The following ADAMTS5 variants were observed in gnomAD, a reference collection of about 807,000 sequenced individuals.
The protein encoded by ADAMTS5 is ADAM metallopeptidase with thrombospondin type 1 motif 5, also known as A disintegrin and metalloproteinase with thrombospondin motifs 5.
ADAMTS5 carries 54 observed loss-of-function variants against 81.4 expected under a neutral mutation model. That is an observed-to-expected ratio of 0.66 (90% CI 0.53 to 0.83). The LOEUF (loss-of-function observed/expected upper bound fraction) is 0.83. Among genes scored for constraint, ADAMTS5 ranks in the 40% least tolerant of loss-of-function variants. The pLI is 0.00. For synonymous variants in ADAMTS5, 532 were observed against 508.8 expected (o/e 1.05, Z -0.61); for missense variants, 1,194 against 1,229.9 (o/e 0.97, Z 0.44).
At chr21:26,952,990 T>C (rs980455348) in intron 2 of ADAMTS5, among the ~76,000 whole-genome samples, 6 of 152,246 alleles carry the variant, frequency 3.9e-5, no homozygotes, top group African/African-American at 1.4e-4. Flanking sequence ...CATACATAGA[T>C]ACGTAATAAA....
chr21:26,950,285 A>G (rs922678666), intron 2 of ADAMTS5, among the ~76,000 whole-genome samples: 18 of 152,250 alleles, frequency 1.2e-4, no homozygotes, highest in Admixed American at 5.2e-4. Flanking sequence ...CATCAATAAA[A>G]TTATTGTTTT....
intron 2 of ADAMTS5, among the ~76,000 whole-genome samples, chr21:26,945,886 G>C (rs1342206309): frequency 2.0e-5 from 3 of 152,164 alleles, no homozygotes; most frequent in Non-Finnish European, 2.9e-5. Flanking sequence ...CTCAGCAAGG[G>C]GATGTGACTT....
Position 26,918,489 on chromosome 21 carries a change from C to T in ADAMTS5, c.*5564G>A, listed in dbSNP as rs966382073. On this transcript the variant is annotated 3_prime_UTR_variant, in exon 8 of 8. Transcript: ENST00000284987. ...TTTAGTTATCTGCAAAGTCTATTTA[C>T]AAAGCATATGTATGATTTCCTCTGA... 1.1e-4 allele frequency: 16 copies of T among 152,012 alleles called. No homozygotes were observed. The highest frequency in any genetic ancestry group is 3.9e-4 in the African/African-American group (16 of 41,426). 9.4% of individuals were successfully genotyped at this position (152,012 alleles called of 1,614,324 possible). A position where few individuals can be genotyped will look rare whatever the true frequency, so the allele number is the denominator to read the frequency against.
chr21:26,923,993 C>G lies in ADAMTS5; in HGVS notation c.*60G>C. The G allele has an allele frequency of 6.7e-7, 1 of 1,502,202 alleles. No individual in the cohort carries two copies. The highest frequency in any genetic ancestry group is 8.9e-7 in the Non-Finnish European group (1 of 1,118,226). 93.1% of individuals were successfully genotyped at this position (1,502,202 alleles called of 1,614,324 possible). Reference sequence around the variant, plus strand: ...TGCGTTAGGTAGACCTCCTGTTCACCACGACTGCATCAGTGCTGAATCCTC... The same window carrying G: ...TGCGTTAGGTAGACCTCCTGTTCACGACGACTGCATCAGTGCTGAATCCTC... On this transcript the variant is annotated 3_prime_UTR_variant, in exon 8 of 8. Transcript: ENST00000284987.
At position 26,923,250 on chromosome 21, in the gene ADAMTS5, TCACA is replaced by T. The variant is rs377472990; in HGVS notation, c.*799_*802del. 3 of 151,844 alleles carry T rather than the reference TCACA, an allele frequency of 2.0e-5. No homozygotes were observed. Among genetic ancestry groups the T allele is most frequent in the Non-Finnish European group, 2.9e-5 (2 of 67,918 alleles). 9.4% of individuals were successfully genotyped at this position (151,844 alleles called of 1,614,324 possible). ...CTAGTTTTTAGACTCTTGAGTATGA[TCACA>T]CACACACACGCAAACCCTACTTCTA... is the stretch of plus-strand genomic sequence containing the variant. On this transcript the variant is annotated 3_prime_UTR_variant, in exon 8 of 8. Coordinates refer to ENST00000284987, the MANE Select transcript of ADAMTS5 (RefSeq NM_007038.5).
intron 1 of ADAMTS5, 58 bp downstream of exon 1, chr21:26,965,230 C>G (rs919944110): frequency 1.3e-4 from 199 of 1,547,618 alleles, no homozygotes; most frequent in Non-Finnish European, 1.7e-4. Flanking sequence ...CAGCAAGATT[C>G]CCTTCTACCT....
At chr21:26,957,353 A>T (rs1354341090) in intron 1 of ADAMTS5, among the ~76,000 whole-genome samples, 1 of 152,186 alleles carries the variant, frequency 6.6e-6, no homozygotes. Flanking sequence ...ATGTGTATAC[A>T]TATATACACA....
intron 7 of ADAMTS5, among the ~76,000 whole-genome samples, 199 bp downstream of exon 7, chr21:26,929,687 A>G (rs229090): frequency 0.32 from 47,992 of 152,068 alleles, 8,117 homozygotes; most frequent in South Asian, 0.46. Context: ...TTCCAGAGGC[A>G]GCATGAGTTT....
chr21:26,954,538 A>G (rs1987382216), intron 2 of ADAMTS5, among the ~76,000 whole-genome samples: 1 of 152,188 alleles, frequency 6.6e-6, no homozygotes, highest in Admixed American at 6.5e-5. Context: ...CTGTCAGAAG[A>G]AAACATCCAC....
Position 26,918,612 on chromosome 21 carries a change from A to C in ADAMTS5, c.*5441T>G, listed in dbSNP as rs1986627038. On this transcript the variant is annotated 3_prime_UTR_variant, in exon 8 of 8. Coordinates refer to ENST00000284987, the MANE Select transcript of ADAMTS5 (RefSeq NM_007038.5). Reference sequence around the variant, plus strand: ...ACGTTGTGCCTGAGTGTATAATGCAAAAATAGCATCCAGAGATTATATATT... The same window carrying C: ...ACGTTGTGCCTGAGTGTATAATGCACAAATAGCATCCAGAGATTATATATT... 6.6e-6 allele frequency: 1 copy of C among 151,996 alleles called. No individual in the cohort carries two copies. Among genetic ancestry groups the C allele is most frequent in the South Asian group, 2.1e-4 (1 of 4,824 alleles). The allele number at this position is 151,996 out of a possible 1,614,324, so 9.4% of individuals were successfully genotyped here. A position where few individuals can be genotyped will look rare whatever the true frequency, so the allele number is the denominator to read the frequency against.
At chr21:26,962,888 T>C (rs1461106111) in intron 1 of ADAMTS5, among the ~76,000 whole-genome samples, 1 of 152,030 alleles carries the variant, frequency 6.6e-6, no homozygotes, top group Non-Finnish European at 1.5e-5. Context: ...TGCTCTGAAG[T>C]ATTAGGCAAA....
intron 2 of ADAMTS5, among the ~76,000 whole-genome samples, chr21:26,950,629 T>C (rs972132171): frequency 6.6e-6 from 1 of 152,248 alleles, no homozygotes; most frequent in Non-Finnish European, 1.5e-5. Flanking sequence ...AAGTCTGTAT[T>C]GGCATCAGTT....
chr21:26,952,924 G>A (rs1987349202), intron 2 of ADAMTS5, among the ~76,000 whole-genome samples: 1 of 152,134 alleles, frequency 6.6e-6, no homozygotes. Flanking sequence ...GGTGCAGATC[G>A]GAATGTTGCC....
At chr21:26,955,736 A>G (rs990947388) in intron 1 of ADAMTS5, among the ~76,000 whole-genome samples, 1 of 152,184 alleles carries the variant, frequency 6.6e-6, no homozygotes, top group African/African-American at 2.4e-5. Context: ...TTTCCCTTTA[A>G]ATGCTATTTG....
At chr21:26,950,392 C>G (rs1210919115) in intron 2 of ADAMTS5, among the ~76,000 whole-genome samples, 1 of 152,166 alleles carries the variant, frequency 6.6e-6, no homozygotes, top group Non-Finnish European at 1.5e-5. Context: ...TAAACTTACA[C>G]TAACTTGAAA....
rs1816852099 is a variant in ADAMTS5, at chr21:26,966,281, A to T, written c.111T>A (p.Ala37=). 2 of 1,559,002 alleles carry T rather than the reference A, an allele frequency of 1.3e-6. No individual in the cohort carries two copies. The highest frequency in any genetic ancestry group is 2.7e-5 in the African/African-American group (2 of 73,676). Residue 37 remains alanine, a synonymous_variant, in exon 1 of 8, where the codon GCT becomes GCA. Transcript: ENST00000284987. ...AQDKAGQPPT[A]AAAAQPRRRQ... is the part of the protein sequence containing the mutation. ...GCCGGCGGGGCTGGGCGGCTGCTGC[A>T]GCAGTCGGAGGCTGCCCGGCTTTAT...
chr21:26,965,288 C>A lies in ADAMTS5; in HGVS notation c.1104G>T (p.Glu368Asp). 6.2e-7 allele frequency: 1 copy of A among 1,606,292 alleles called. No homozygotes were observed. Among genetic ancestry groups the A allele is most frequent in the Non-Finnish European group, 8.5e-7 (1 of 1,174,040 alleles). Residue 368 changes from glutamate to aspartate, a missense_variant and splice_region_variant, in exon 1 of 8, where the codon GAG (glutamate) becomes GAT (aspartate). Coordinates refer to ENST00000284987, the MANE Select transcript of ADAMTS5 (RefSeq NM_007038.5). ...ACCCCCGCATCCCGGCTGGACCTAC[C>A]TCCCGAGTAAACAGGATAGCTGCAT... ...HYDAAILFTR[E>D]DLCGHHSCDT...
Position 26,965,539 on chromosome 21 carries a change from G to A in ADAMTS5, c.853C>T (p.Arg285Trp), listed in dbSNP as rs1185394794. Residue 285 changes from arginine to tryptophan, a missense_variant, in exon 1 of 8, where the codon CGG becomes TGG. Transcript: ENST00000284987. ...ADASMARLYG[R>W]GLQHYLLTLA... is the part of the protein sequence containing the mutation. ...GTCAGCAGGTAATGCTGCAGGCCCC[G>A]GCCATACAACCGCGCCATGGACGCG... The A allele has an allele frequency of 9.3e-6, 15 of 1,613,312 alleles. No individual in the cohort carries two copies. The highest frequency in any genetic ancestry group is 1.2e-5 in the Non-Finnish European group (14 of 1,179,436).
At chr21:26,932,809 A>C in intron 5 of ADAMTS5, 52 bp downstream of exon 5, 1 of 1,541,744 alleles carries the variant, frequency 6.5e-7, no homozygotes, top group Non-Finnish European at 8.7e-7. Context: ...TATTGCTAGA[A>C]TACAAATGAC....
Sources: allele counts gnomAD v4.1 joint callset (sites outside exome capture counted in the v4.1 genomes callset), GRCh38; gene constraint gnomAD v4.1.1; transcripts MANE v1.5; gene names NCBI Gene and HGNC (gene_info 2026-07-23, HGNC 2026-07-21).